The following HMCES variants were observed in gnomAD, a reference collection of about 807,000 sequenced individuals.
The protein encoded by HMCES is abasic site processing protein HMCES.
HMCES carries 27 observed loss-of-function variants against 35.1 expected under a neutral mutation model. The observed-to-expected ratio is 0.77, with a 90% CI of 0.57 to 1.06. The LOEUF (loss-of-function observed/expected upper bound fraction) is 1.06. HMCES is among the 50% of genes least tolerant of loss of function. The pLI, the probability that HMCES is intolerant of heterozygous loss-of-function variation, is 0.00. For synonymous variants in HMCES, 130 were observed against 154.7 expected (o/e 0.84, Z 1.18); for missense variants, 391 against 430.4 (o/e 0.91, Z 0.81).
Position 129,304,781 on chromosome 3 carries a change from GAGA to G in HMCES, c.1024_1026del (p.Lys342del), listed in dbSNP as rs2071215410. The G allele has an allele frequency of 6.2e-7, 1 of 1,614,084 alleles. No homozygotes were observed. The highest frequency in any genetic ancestry group is 8.5e-7 in the Non-Finnish European group (1 of 1,180,042). On this transcript the variant is annotated inframe_deletion, in exon 7 of 7. Transcript: ENST00000383463. ...ACTCCTAGAGCAATGGCTGAAGCGG[GAGA>G]AGGAGGAGGAACCTGTGGCCAAGCG...
In HMCES at chr3:129,304,699, G is replaced by T; in HGVS notation, c.939G>T (p.Gln313His). The change falls in exon 7 of 7, where the codon CAG becomes CAT. Residue 313 changes from glutamine (Q) to histidine (H), a missense_variant. By Grantham distance (24) the Gln-to-His change is conservative. Transcript: ENST00000383463. ...TPQKEESDVPQWSSQFLQKSP... is the reference protein window; with the variant it reads ...TPQKEESDVPHWSSQFLQKSP... The stretch of plus-strand genomic sequence containing the variant: ...AAAAGGAAGAGTCAGATGTTCCCCA[G>T]TGGTCCAGTCAGTTCCTGCAGAAGA... 2 of 1,614,182 alleles carry T rather than the reference G, an allele frequency of 1.2e-6. No homozygotes were observed. Among genetic ancestry groups the T allele is most frequent in the Non-Finnish European group, 1.7e-6 (2 of 1,180,036 alleles).
In HMCES at chr3:129,279,554, C is replaced by T. The variant is rs1940402606; in HGVS notation, c.-23-156C>T. The stretch of plus-strand genomic sequence containing the variant: ...GCTCAGGGAGCGAAGCAAACGGGCA[C>T]ATCCTTGTCTTTGTGGGACTTTTTG... On this transcript the variant is annotated intron_variant, in intron 1 of 6. Coordinates refer to ENST00000383463, the MANE Select transcript of HMCES (RefSeq NM_020187.3). This position sits in a 1 kb window ranked among gnomAD's most constrained non-coding sequence, Gnocchi z 4.2. Among the ~76,000 whole-genome samples, 1 of 152,194 alleles carries T rather than the reference C, an allele frequency of 6.6e-6. No homozygotes were observed. The highest frequency in any genetic ancestry group is 2.4e-5 in the African/African-American group (1 of 41,448).
In HMCES at chr3:129,304,672, T is replaced by C; in HGVS notation, c.912T>C (p.Pro304=). 6.2e-7 allele frequency: 1 copy of C among 1,614,002 alleles called. No individual in the cohort carries two copies. The highest frequency in any genetic ancestry group is 1.1e-5 in the South Asian group (1 of 91,070). The change falls in exon 7 of 7, where the codon CCT becomes CCC. Residue 304 remains proline (P), a synonymous_variant. Coordinates refer to ENST00000383463, the MANE Select transcript of HMCES (RefSeq NM_020187.3). ...KSPKKEDSKT[P]QKEESDVPQW... ...CCAAAAAGGAAGACTCAAAAACACC[T>C]CAAAAGGAAGAGTCAGATGTTCCCC...
At chr3:129,282,187 G>A (rs1316292618) in intron 2 of HMCES, among the ~76,000 whole-genome samples, 1 of 151,780 alleles carries the variant, frequency 6.6e-6, no homozygotes, top group East Asian at 1.9e-4. Flanking sequence ...GCCAGGCCTG[G>A]TGGCTCACGC....
chr3:129,299,005 G>A (rs888817564), intron 5 of HMCES, among the ~76,000 whole-genome samples: 13 of 152,202 alleles, frequency 8.5e-5, no homozygotes, highest in Middle Eastern at 3.4e-3. Flanking sequence ...TAAATTAGCC[G>A]GGCATGGTGG....
intron 2 of HMCES, among the ~76,000 whole-genome samples, chr3:129,280,431 AG>A (rs1940442182): frequency 6.6e-6 from 1 of 152,140 alleles, no homozygotes; most frequent in South Asian, 2.1e-4. Context: ...GGGGAGGTCG[AG>A]GCTTCATGAG....
intron 4 of HMCES, among the ~76,000 whole-genome samples, chr3:129,297,017 C>T (rs2071101652): frequency 6.6e-6 from 1 of 152,176 alleles, no homozygotes; most frequent in South Asian, 2.1e-4. Context: ...GGATGACAGG[C>T]ATGAGCCACC....
intron 4 of HMCES, among the ~76,000 whole-genome samples, chr3:129,295,850 G>A (rs2107694681): frequency 6.6e-6 from 1 of 152,214 alleles, no homozygotes; most frequent in African/African-American, 2.4e-5. Context: ...TATTCTCTTT[G>A]CTGCTTGGAT....
At chr3:129,280,802 G>T (rs557822549) in intron 2 of HMCES, among the ~76,000 whole-genome samples, 14 of 152,220 alleles carry the variant, frequency 9.2e-5, no homozygotes, top group African/African-American at 2.9e-4. Context: ...TCATATTTTA[G>T]TTTTTTGCCT....
chr3:129,288,914 T>C lies in HMCES; in HGVS notation c.244T>C (p.Phe82Leu). The C allele has an allele frequency of 1.2e-6, 2 of 1,602,500 alleles. No individual in the cohort carries two copies. The highest frequency in any genetic ancestry group is 1.7e-6 in the Non-Finnish European group (2 of 1,170,670). ...PMRWGLVPSW[F>L]KESDPSKLQF... ...GCGCTGGGGCTTGGTCCCTTCTTGGTTCAAAGAAAGTGATCCTTCCAAGCT... is the reference window on the plus strand; with the variant it reads ...GCGCTGGGGCTTGGTCCCTTCTTGGCTCAAAGAAAGTGATCCTTCCAAGCT... The change falls in exon 3 of 7, where the codon TTC (phenylalanine) becomes CTC (leucine). Residue 82 changes from phenylalanine to leucine, a missense_variant. Transcript: ENST00000383463.
chr3:129,302,251 C>A, intron 6 of HMCES, 109 bp downstream of exon 6: 1 of 921,536 alleles, frequency 1.1e-6, no homozygotes, highest in Non-Finnish European at 1.6e-6. Flanking sequence ...TTTGGACCAT[C>A]AAAAGCTCTC....
intron 3 of HMCES, among the ~76,000 whole-genome samples, chr3:129,289,356 G>A (rs949173532): frequency 6.6e-6 from 1 of 152,124 alleles, no homozygotes; most frequent in African/African-American, 2.4e-5. Context: ...ACAACTAGAA[G>A]GCTTTCCATA....
chr3:129,284,003 C>A (rs1940566320), intron 2 of HMCES, among the ~76,000 whole-genome samples: 1 of 152,194 alleles, frequency 6.6e-6, no homozygotes, highest in South Asian at 2.1e-4. Flanking sequence ...AAACAGTCCT[C>A]ATTATTCTTA....
intron 5 of HMCES, among the ~76,000 whole-genome samples, chr3:129,300,645 C>T (rs866107381): frequency 3.1e-4 from 47 of 152,138 alleles, no homozygotes; most frequent in African/African-American, 1.0e-3. Flanking sequence ...ACCTGTAATC[C>T]CAGCACTTTG....
At chr3:129,299,156 C>T (rs759440935) in intron 5 of HMCES, among the ~76,000 whole-genome samples, 36 of 152,102 alleles carry the variant, frequency 2.4e-4, no homozygotes, top group Non-Finnish European at 4.1e-4. Flanking sequence ...TCAATAAATA[C>T]ATACATACAT....
At position 129,279,659 on chromosome 3, in the gene HMCES, A is replaced by T. The variant is rs1940405882; in HGVS notation, c.-23-51A>T. 2 of 1,547,122 alleles carry T rather than the reference A, an allele frequency of 1.3e-6. No individual in the cohort carries two copies. Among genetic ancestry groups the T allele is most frequent in the African/African-American group, 2.7e-5 (2 of 73,054 alleles). On this transcript the variant is annotated intron_variant, in intron 1 of 6. Coordinates refer to ENST00000383463, the MANE Select transcript of HMCES (RefSeq NM_020187.3). The surrounding 1 kb of genome is among the most constrained non-coding windows in gnomAD (Gnocchi z 4.2). Reference sequence around the variant, plus strand: ...AGAAGGCGGGGACTCAAGGAATAAGACCTAATATTTGAGATACGTAAGCCT... The same window carrying T: ...AGAAGGCGGGGACTCAAGGAATAAGTCCTAATATTTGAGATACGTAAGCCT...
rs199985977 is a variant in HMCES, at chr3:129,279,931, C to T, written c.183+16C>T. On this transcript the variant is annotated intron_variant, in intron 2 of 6. Coordinates refer to ENST00000383463, the MANE Select transcript of HMCES (RefSeq NM_020187.3). The surrounding 1 kb of genome is among the most constrained non-coding windows in gnomAD (Gnocchi z 4.2). ...CTTTGAGAAGGTAACCAGCATTGCA[C>T]TATGCTAGCCCCTCGCCCAGCCTCG... 320 of 1,541,916 alleles carry T rather than the reference C, an allele frequency of 2.1e-4. No individual in the cohort carries two copies. The highest frequency in any genetic ancestry group is 2.6e-4 in the Non-Finnish European group (301 of 1,146,328).
chr3:129,299,608 C>A (rs2071135842), intron 5 of HMCES, among the ~76,000 whole-genome samples: 1 of 150,558 alleles, frequency 6.6e-6, no homozygotes. Context: ...TATATATAGG[C>A]CTTATTTATA....
At chr3:129,281,622 C>G (rs577692226) in intron 2 of HMCES, among the ~76,000 whole-genome samples, 1 of 151,846 alleles carries the variant, frequency 6.6e-6, no homozygotes, top group Non-Finnish European at 1.5e-5. Context: ...ACCCGGGAGG[C>G]GAAGGTTGGG....
Sources: allele counts gnomAD v4.1 joint callset (sites outside exome capture counted in the v4.1 genomes callset), GRCh38; gene constraint gnomAD v4.1.1; non-coding constraint Gnocchi (gnomAD v3.1); transcripts MANE v1.5; gene names NCBI Gene and HGNC (gene_info 2026-07-23, HGNC 2026-07-21).